The following ENKUR variants were observed in gnomAD, a reference collection of about 807,000 sequenced individuals.
ENKUR encodes enkurin.
A neutral mutation model predicts 27.6 loss-of-function variants in ENKUR; 19 were observed. The ratio of observed to expected loss-of-function variants is 0.69; its 90% CI spans 0.48 to 1.01. The LOEUF (loss-of-function observed/expected upper bound fraction) is 1.01. Ranked by LOEUF, ENKUR falls within the 50% of genes least tolerant of loss-of-function variation. The probability of loss-of-function intolerance (pLI) is 0.00; values close to 1 mark genes in which losing one functional copy is unlikely to be tolerated. For missense variants in ENKUR, 312 were observed against 310.5 expected (o/e 1.00, Z -0.04); for synonymous variants, 117 against 96.9 (o/e 1.21, Z -1.22).
rs760099759 is a variant in ENKUR, at chr10:25,024,007, G to C, written c.38-28138C>G. 9 of 1,614,242 alleles carry C rather than the reference G, an allele frequency of 5.6e-6. No individual in the cohort carries two copies. In the Admixed American group the frequency reaches 1.3e-4, roughly 24 times the overall value. On this transcript the variant is annotated intron_variant, in intron 2 of 5. Coordinates refer to the ENKUR transcript ENST00000615958. ...AGCTGTAATTGAGGGGTTGGCTTCT[G>C]ATGGTGGCCTCTTTGTTCCTGCAAA...
intron 1 of ENKUR, 81 bp from the exon 2 acceptor site, chr10:24,999,627 A>T (rs1028156640): frequency 8.0e-7 from 1 of 1,251,434 alleles, no homozygotes; most frequent in Non-Finnish European, 1.1e-6. Flanking sequence ...TAAATCTTAC[A>T]TTTTTAATTT....
At chr10:24,989,039 C>G (rs533943733) in intron 4 of ENKUR, among the ~76,000 whole-genome samples, 3 of 152,116 alleles carry the variant, frequency 2.0e-5, no homozygotes, top group African/African-American at 7.2e-5. Flanking sequence ...CTGAGGGCTG[C>G]TTATCTCCTA....
At chr10:25,017,864 G>A (rs1850638811), upstream of ENKUR, among the ~76,000 whole-genome samples, 1 of 152,150 alleles carries the variant, frequency 6.6e-6, no homozygotes, top group African/African-American at 2.4e-5. Context: ...GAAACCTCCT[G>A]TATGTACGAA....
chr10:24,992,612 T>C (rs1163190594), intron 3 of ENKUR, among the ~76,000 whole-genome samples: 2 of 152,160 alleles, frequency 1.3e-5, no homozygotes, highest in African/African-American at 4.8e-5. Context: ...AATGTTTAGA[T>C]TTTTCTGGGT....
intron 2 of ENKUR, chr10:25,023,473 A>C: frequency 6.2e-7 from 1 of 1,614,160 alleles, no homozygotes; most frequent in Non-Finnish European, 8.5e-7. Flanking sequence ...TTGTTGTGTC[A>C]TAGATGTGGA....
intron 1 of ENKUR, 150 bp downstream of exon 1, chr10:25,015,710 C>T: frequency 1.4e-6 from 1 of 695,870 alleles, no homozygotes; most frequent in Middle Eastern, 4.4e-4. Flanking sequence ...ATATTTCGAC[C>T]TTTTCTCTAA....
intron 2 of ENKUR, among the ~76,000 whole-genome samples, chr10:25,042,377 C>T (rs559292200): frequency 6.6e-6 from 1 of 151,766 alleles, no homozygotes; most frequent in Non-Finnish European, 1.5e-5. Flanking sequence ...TCACTGCAAC[C>T]TCCGCCTCCC....
At chr10:25,003,300 G>A (rs1332917555) in intron 1 of ENKUR, among the ~76,000 whole-genome samples, 2 of 152,184 alleles carry the variant, frequency 1.3e-5, no homozygotes, top group African/African-American at 2.4e-5. Flanking sequence ...TCTGTCTCCT[G>A]GGTTCAAATG....
intron 2 of ENKUR, among the ~76,000 whole-genome samples, chr10:25,032,566 T>A (rs1039261359): frequency 6.6e-6 from 1 of 152,210 alleles, no homozygotes; most frequent in Non-Finnish European, 1.5e-5. Context: ...TTCTTAGTTC[T>A]ATACTCCTTT....
upstream of ENKUR, among the ~76,000 whole-genome samples, chr10:25,017,204 C>T (rs180758055): frequency 3.1e-3 from 466 of 152,286 alleles, 2 homozygotes; most frequent in African/African-American, 0.011. Context: ...CGTTTTTGTC[C>T]AGTTTTTGGT....
upstream of ENKUR, among the ~76,000 whole-genome samples, chr10:25,017,773 C>A (rs1588670170): frequency 2.0e-5 from 3 of 152,074 alleles, no homozygotes; most frequent in African/African-American, 7.2e-5. Context: ...AAATCTATAT[C>A]ACTTTGCCCC....
At position 25,016,135 on chromosome 10, in the gene ENKUR, G is replaced by A. The variant is rs1387612277; in HGVS notation, c.-199C>T. 1.0e-5 allele frequency: 13 copies of A among 1,244,286 alleles called. No individual in the cohort carries two copies. Among genetic ancestry groups the A allele is most frequent in the Non-Finnish European group, 1.3e-5 (13 of 992,224 alleles). The allele number at this position is 1,244,286 out of a possible 1,614,324, so 77.1% of individuals were successfully genotyped here. A position where few individuals can be genotyped will look rare whatever the true frequency, so the allele number is the denominator to read the frequency against. ...GGAAGAAAACACCCTATTTCTCTCC[G>A]GATTGCTAAGCGTCGTTGACTGTGC... On this transcript the variant is annotated 5_prime_UTR_variant, in exon 1 of 6. Coordinates refer to ENST00000331161, the MANE Select transcript of ENKUR (RefSeq NM_145010.4).
Position 25,051,547 on chromosome 10 carries a change from G to C in ENKUR, c.37+9565C>G, listed in dbSNP as rs150707432. ...CATGTCACTGTGAAGGCAGGAGCAA[G>C]GGACAGGAGAGGTGCCACGCACTTT... On this transcript the variant is annotated intron_variant, in intron 2 of 5. Coordinates refer to the ENKUR transcript ENST00000615958. 1.5e-3 allele frequency among the ~76,000 whole-genome samples: 236 copies of C among 152,292 alleles called. 1 individual carries two copies. Among genetic ancestry groups the C allele is most frequent in the Non-Finnish European group, 2.9e-3 (197 of 68,020 alleles).
chr10:25,024,466 T>G, intron 2 of ENKUR: 1 of 1,614,152 alleles, frequency 6.2e-7, no homozygotes, highest in Non-Finnish European at 8.5e-7. Context: ...AGTAAGTGAT[T>G]TTCAAAAAGC....
rs75836114 is a variant in ENKUR, at chr10:24,990,670, C to T, written c.448-61G>A. 3.3e-3 allele frequency: 4,807 copies of T among 1,445,062 alleles called. 141 individuals carry two copies. In the African/African-American group the frequency reaches 0.061, roughly 18 times the overall value. 89.5% of individuals were successfully genotyped at this position (1,445,062 alleles called of 1,614,324 possible). ...TTGTATGCAATCTTACATATGGGTA[C>T]GTATCAACTGATGATGGAAGAAAAA... On this transcript the variant is annotated intron_variant, in intron 3 of 5. Coordinates refer to ENST00000331161, the MANE Select transcript of ENKUR (RefSeq NM_145010.4).
At chr10:25,028,567 T>C (rs1403563982) in intron 2 of ENKUR, among the ~76,000 whole-genome samples, 1 of 152,210 alleles carries the variant, frequency 6.6e-6, no homozygotes, top group African/African-American at 2.4e-5. Context: ...TTAGAGTCTT[T>C]CTGTACTTTA....
At chr10:25,030,018 T>A (rs965874414) in intron 2 of ENKUR, among the ~76,000 whole-genome samples, 13 of 152,212 alleles carry the variant, frequency 8.5e-5, no homozygotes, top group African/African-American at 3.1e-4. Flanking sequence ...TAATTGGTAC[T>A]AACAACTGTT....
At chr10:25,023,849 C>T in intron 2 of ENKUR, 1 of 1,614,158 alleles carries the variant, frequency 6.2e-7, no homozygotes. Context: ...GGGGCTTCCC[C>T]AGAGGAGGTA....
At chr10:25,028,618 A>G (rs953387685) in intron 2 of ENKUR, among the ~76,000 whole-genome samples, 6 of 152,092 alleles carry the variant, frequency 3.9e-5, no homozygotes, top group African/African-American at 1.4e-4. Flanking sequence ...CCTTTTTCCC[A>G]TCTGTGCTTC....
Sources: allele counts gnomAD v4.1 joint callset (sites outside exome capture counted in the v4.1 genomes callset), GRCh38; gene constraint gnomAD v4.1.1; transcripts MANE v1.5; gene names NCBI Gene and HGNC (gene_info 2026-07-23, HGNC 2026-07-21).